Variants in CCR7 observed in about 807,000 individuals in gnomAD.
CCR7 encodes C-C chemokine receptor type 7.
A neutral mutation model predicts 26.0 loss-of-function variants in CCR7; 11 were observed. The ratio of observed to expected loss-of-function variants is 0.42; its 90% CI spans 0.27 to 0.70. The LOEUF (loss-of-function observed/expected upper bound fraction) is 0.70, where lower values mean the gene tolerates loss of function less well. CCR7 is among the 30% of genes least tolerant of loss of function. CCR7 has a pLI of 0.23. For synonymous variants in CCR7, 189 were observed against 202.1 expected, an observed-to-expected ratio of 0.94 and a Z score of 0.55; for missense variants, 360 against 504.0, an observed-to-expected ratio of 0.71 and a Z score of 2.74.
chr17:40,562,925 C>T (rs1309537148), intron 1 of CCR7, among the ~76,000 whole-genome samples: 1 of 152,164 alleles, frequency 6.6e-6, no homozygotes, highest in African/African-American at 2.4e-5. Flanking sequence ...CTTCCTGCAC[C>T]TTATGCCCAT....
intron 2 of CCR7, among the ~76,000 whole-genome samples, chr17:40,557,992 C>T (rs1169710642): frequency 6.6e-6 from 1 of 152,206 alleles, no homozygotes; most frequent in African/African-American, 2.4e-5. Flanking sequence ...CTATGGGCTG[C>T]AGCCCAGGCT....
intron 2 of CCR7, among the ~76,000 whole-genome samples, chr17:40,557,287 G>A (rs2036599514): frequency 6.6e-6 from 1 of 152,220 alleles, no homozygotes; most frequent in South Asian, 2.1e-4. Context: ...TTTGTGCAGG[G>A]CAGGGAGCTG....
At chr17:40,560,499 T>C (rs904141021) in intron 1 of CCR7, among the ~76,000 whole-genome samples, 2 of 152,220 alleles carry the variant, frequency 1.3e-5, no homozygotes, top group African/African-American at 4.8e-5. Context: ...TTGGTTAATG[T>C]GTTCCCCGGA....
At chr17:40,556,205 G>T (rs192480750) in intron 2 of CCR7, among the ~76,000 whole-genome samples, 142 of 152,230 alleles carry the variant, frequency 9.3e-4, no homozygotes, top group Middle Eastern at 3.4e-3. Context: ...AAATTCTCAG[G>T]CCCCACCTGA....
intron 2 of CCR7, among the ~76,000 whole-genome samples, chr17:40,556,519 C>A (rs2143907808): frequency 6.6e-6 from 1 of 150,450 alleles, no homozygotes; most frequent in South Asian, 2.1e-4. Context: ...TGGTTAAACT[C>A]TTTCTGTCTC....
In CCR7 at chr17:40,555,004, T is replaced by C; in HGVS notation, c.875A>G (p.Asn292Ser). Residue 292 changes from asparagine to serine, a missense_variant, in exon 3 of 3, where the codon AAC becomes AGC. By Grantham distance (46) the Asn-to-Ser change is conservative. Coordinates refer to ENST00000246657, the MANE Select transcript of CCR7 (RefSeq NM_001838.4). The surrounding 1 kb of genome is among the most constrained non-coding windows in gnomAD (Gnocchi z 5.6). ...GAGCTCACAGGTGCTACTGGTGATG[T>C]TGAAGTTGGCCACCGTCTGGGCCAG... ...VVLAQTVANF[N>S]ITSSTCELSK... 1 of 1,614,196 alleles carries C rather than the reference T, an allele frequency of 6.2e-7. No homozygotes were observed. The highest frequency in any genetic ancestry group is 8.5e-7 in the Non-Finnish European group (1 of 1,180,032).
rs2036623702 is a variant in CCR7, at chr17:40,558,942, C to T, written c.11G>A (p.Gly4Glu). The T allele has an allele frequency of 6.2e-7, 1 of 1,609,874 alleles. No individual in the cohort carries two copies. MDL[G>E]KPMKSVLVVA... is the part of the protein sequence containing the mutation. ...CACCAGCACGCTTTTCATTGGTTTC[C>T]CTGTAGGAGACAAGGCGAGAAAGTT... is the stretch of plus-strand genomic sequence containing the variant. Residue 4 changes from glycine (G) to glutamate (E), a missense_variant and splice_region_variant, in exon 2 of 3, where the codon GGG becomes GAG. Gly to Glu is a moderately conservative substitution (Grantham distance 98). Coordinates refer to ENST00000246657, the MANE Select transcript of CCR7 (RefSeq NM_001838.4).
chr17:40,556,525 G>GTCTC (rs376263247), intron 2 of CCR7, among the ~76,000 whole-genome samples: 10 of 150,336 alleles, frequency 6.7e-5, no homozygotes, highest in African/African-American at 9.7e-5. Context: ...AACTCTTTCT[G>GTCTC]TCTCTCTCTC....
chr17:40,564,582 A>T (rs1393743053), intron 1 of CCR7, among the ~76,000 whole-genome samples: 1 of 152,178 alleles, frequency 6.6e-6, no homozygotes, highest in African/African-American at 2.4e-5. Flanking sequence ...AGCTGGATGA[A>T]CCACTCAGAA....
intron 2 of CCR7, among the ~76,000 whole-genome samples, chr17:40,557,468 T>C (rs746345439): frequency 6.6e-6 from 1 of 152,236 alleles, no homozygotes; most frequent in East Asian, 1.9e-4. Flanking sequence ...CTTGGGAACA[T>C]GGTGAGGACA....
intron 2 of CCR7, among the ~76,000 whole-genome samples, chr17:40,557,981 G>T (rs1400229101): frequency 2.0e-5 from 3 of 152,200 alleles, no homozygotes; most frequent in Non-Finnish European, 4.4e-5. Flanking sequence ...AGGGGGCCAG[G>T]CTATGGGCTG....
chr17:40,563,462 C>G (rs2036674307), intron 1 of CCR7, among the ~76,000 whole-genome samples: 1 of 152,108 alleles, frequency 6.6e-6, no homozygotes, highest in South Asian at 2.1e-4. Context: ...GAGGGTGCCT[C>G]AGAGCTGCTC....
chr17:40,555,375 A>G lies in CCR7; in HGVS notation c.504T>C (p.Arg168=), dbSNP rs922430104. ...IVQAVSAHRH[R]ARVLLISKLS... is the part of the protein sequence containing the mutation. ...GCTTGCTGATGAGAAGGACGCGGGC[A>G]CGGTGGCGGTGAGCTGAGACAGCCT... Residue 168 remains arginine, a synonymous_variant, in exon 3 of 3, where the codon CGT becomes CGC. Coordinates refer to ENST00000246657, the MANE Select transcript of CCR7 (RefSeq NM_001838.4). This position sits in a 1 kb window ranked among gnomAD's most constrained non-coding sequence, Gnocchi z 5.6. The G allele has an allele frequency of 3.7e-6, 6 of 1,614,142 alleles. No individual in the cohort carries two copies. The African/African-American group carries it at 8.0e-5, about 22-fold the overall frequency.
intron 1 of CCR7, among the ~76,000 whole-genome samples, chr17:40,562,953 C>T (rs373391229): frequency 6.6e-6 from 1 of 152,162 alleles, no homozygotes; most frequent in East Asian, 1.9e-4. Flanking sequence ...ATTACCTTGT[C>T]GGCCTCTGAT....
At chr17:40,558,298 A>C (rs1489694212) in intron 2 of CCR7, among the ~76,000 whole-genome samples, 1 of 152,134 alleles carries the variant, frequency 6.6e-6, no homozygotes, top group African/African-American at 2.4e-5. Flanking sequence ...TTGTAAAGTG[A>C]GGGTCTTTGT....
Position 40,555,714 on chromosome 17 carries a change from G to A in CCR7, c.165C>T (p.Asn55=), listed in dbSNP as rs1315073550. Residue 55 remains asparagine, a synonymous_variant, in exon 3 of 3, where the codon AAC becomes AAT. Transcript: ENST00000246657. The surrounding 1 kb of genome is among the most constrained non-coding windows in gnomAD (Gnocchi z 5.6). ...ESLCSKKDVR[N]FKAWFLPIMY... is the part of the protein sequence containing the mutation. ...TGATAGGGAGGAACCAGGCTTTAAA[G>A]TTCCGCACGTCCTTCTTGGAGCACA... 2.5e-6 allele frequency: 4 copies of A among 1,614,166 alleles called. No individual in the cohort carries two copies. Among genetic ancestry groups the A allele is most frequent in the Non-Finnish European group, 3.4e-6 (4 of 1,180,032 alleles).
At chr17:40,560,529 T>A (rs1254936203) in intron 1 of CCR7, 2 of 152,248 alleles carry the variant, frequency 1.3e-5, no homozygotes, top group Non-Finnish European at 2.9e-5. Flanking sequence ...AAGCCAGGGA[T>A]TCTGGGCTTG....
intron 1 of CCR7, among the ~76,000 whole-genome samples, chr17:40,559,377 C>T (rs549363022): frequency 6.6e-6 from 1 of 152,366 alleles, no homozygotes; most frequent in African/African-American, 2.4e-5. Flanking sequence ...CACACGTTTC[C>T]AGCCCTGCTT....
At chr17:40,560,616 C>T (rs146154550) in intron 1 of CCR7, 1 of 152,314 alleles carries the variant, frequency 6.6e-6, no homozygotes, top group East Asian at 1.9e-4. Flanking sequence ...AGCAAATAGT[C>T]CTGCACACTA....
Sources: gnomAD v4.1 joint callset for allele counts (sites outside exome capture counted in the v4.1 genomes callset) on GRCh38, gnomAD v4.1.1 for gene constraint, Gnocchi (gnomAD v3.1) non-coding constraint, MANE v1.5 for transcripts, NCBI Gene and HGNC (gene_info 2026-07-23, HGNC 2026-07-21) for gene names.